The following DNAH7 variants were observed in gnomAD, a reference collection of about 807,000 sequenced individuals.
DNAH7 encodes the protein axonemal beta dynein heavy chain 7.
In DNAH7, 397 loss-of-function variants were observed where a neutral mutation model predicts 444.6. The observed-to-expected ratio is 0.89, with a 90% CI of 0.82 to 0.97. The LOEUF is 0.97. DNAH7 is among the 50% of genes least tolerant of loss of function. The pLI is 0.00. For synonymous variants in DNAH7, 1,636 were observed against 1,624.4 expected (o/e 1.01, Z -0.17); for missense variants, 4,902 against 4,800.8 (o/e 1.02, Z -0.62).
At chr2:195,964,124 T>C (rs1353803555) in intron 17 of DNAH7, among the ~76,000 whole-genome samples, 1 of 152,226 alleles carries the variant, frequency 6.6e-6, no homozygotes, top group Non-Finnish European at 1.5e-5. Flanking sequence ...ATTGTAGAAC[T>C]GTGGGGATGG....
At chr2:195,978,421 CAGG>C (rs1320845925) in intron 15 of DNAH7, among the ~76,000 whole-genome samples, 1 of 151,578 alleles carries the variant, frequency 6.6e-6, no homozygotes, top group Non-Finnish European at 1.5e-5. Flanking sequence ...AAACGAAAAG[CAGG>C]AAGCTAAAAC....
In DNAH7 at chr2:195,831,002, G is replaced by A. The variant is rs146789774; in HGVS notation, c.9100+3204C>T. ...GAAACACTAAATTGGAAGTAGTTTT[G>A]TATCCCTGGTTTGTTACATACAAGG... On this transcript the variant is annotated intron_variant, in intron 48 of 64. Coordinates refer to ENST00000312428, the MANE Select transcript of DNAH7 (RefSeq NM_018897.3). 5.6e-4 allele frequency among the ~76,000 whole-genome samples: 86 copies of A among 152,252 alleles called. No homozygotes were observed. In the East Asian group the frequency reaches 0.015, roughly 27 times the overall value.
chr2:195,963,479 TTGTATGATCTCCTTA>T (rs1426724495), intron 17 of DNAH7, among the ~76,000 whole-genome samples: 1 of 152,090 alleles, frequency 6.6e-6, no homozygotes, highest in Admixed American at 6.5e-5. Context: ...TCCAACAGAG[TTGTATGATCTCCTTA>T]TGTATTCCAG....
chr2:195,813,696 T>C (rs920113623), intron 51 of DNAH7, among the ~76,000 whole-genome samples: 1 of 152,236 alleles, frequency 6.6e-6, no homozygotes, highest in African/African-American at 2.4e-5. Context: ...TTCCTCTCTG[T>C]CTTTGCAATC....
chr2:195,953,049 T>C (rs1372428562), intron 19 of DNAH7, among the ~76,000 whole-genome samples: 2 of 152,188 alleles, frequency 1.3e-5, no homozygotes, highest in African/African-American at 4.8e-5. Flanking sequence ...TTTGCCTGGT[T>C]TTTCCTCATC....
chr2:195,771,691 T>G lies in DNAH7; in HGVS notation c.11402A>C (p.Asp3801Ala). The change falls in exon 61 of 65, where the codon GAT (aspartate) becomes GCT (alanine). Residue 3801 changes from aspartate (D) to alanine (A), a missense_variant. Transcript: ENST00000312428. ...RFNKLLKTIR[D>A]SCVNIQKAIK... ...TGCTTTTTGAATATTTACGCACGAA[T>G]CTCTTATGGTCTTCAGTAACTTATT... 1 of 1,613,854 alleles carries G rather than the reference T, an allele frequency of 6.2e-7. No individual in the cohort carries two copies. The highest frequency in any genetic ancestry group is 8.5e-7 in the Non-Finnish European group (1 of 1,179,724).
At position 195,740,833 on chromosome 2, in the gene DNAH7, GAAGCTCCATCCAGA is replaced by G; in HGVS notation, c.11787_11800del (p.Asp3931GlufsTer2). ...AAGTTTCTTGATCTTTCTATTCCAG[GAAGCTCCATCCAGA>G]AATAATCCGTGAATGAAAACACCTA... On this transcript the variant is annotated frameshift_variant, in exon 64 of 65. Coordinates refer to ENST00000312428, the MANE Select transcript of DNAH7 (RefSeq NM_018897.3). LOFTEE classifies it high-confidence loss of function. 6.4e-7 allele frequency: 1 copy of G among 1,565,296 alleles called. No individual in the cohort carries two copies. The highest frequency in any genetic ancestry group is 8.7e-7 in the Non-Finnish European group (1 of 1,154,410).
Position 195,900,352 on chromosome 2 carries a change from G to A in DNAH7, c.4478C>T (p.Ser1493Leu), listed in dbSNP as rs748728395. The A allele has an allele frequency of 1.2e-6, 2 of 1,613,904 alleles. No individual in the cohort carries two copies. Among genetic ancestry groups the A allele is most frequent in the Admixed American group, 1.7e-5 (1 of 60,000 alleles). The stretch of plus-strand genomic sequence containing the variant: ...TCCATAGTCGTAGTGATGTTGAGAT[G>A]ACAGCTGCTCTGAACACAAGCGATA... ...ATYRLCSEQLSSQHHYDYGMR... is the reference protein window; with the variant it reads ...ATYRLCSEQLLSQHHYDYGMR... The change falls in exon 28 of 65, where the codon TCA becomes TTA. Residue 1493 changes from serine to leucine, a missense_variant. Physicochemically the swap from Ser to Leu is moderately radical, Grantham distance 145. Coordinates refer to ENST00000312428, the MANE Select transcript of DNAH7 (RefSeq NM_018897.3).
At chr2:196,002,170 C>G (rs1694076434) in intron 10 of DNAH7, among the ~76,000 whole-genome samples, 1 of 152,164 alleles carries the variant, frequency 6.6e-6, no homozygotes, top group African/African-American at 2.4e-5. Flanking sequence ...TTACAAAATA[C>G]TCCTCTCCAA....
In DNAH7 at chr2:195,857,613, T is replaced by C; in HGVS notation, c.8178A>G (p.Thr2726=). The part of the protein sequence containing the change: ...GIKADKIPDP[T]GSGKKIEDFW... ...AATCCTCAATTTTTTTCCCTGAACC[T>C]GTTGGGTCAGGGATTTTGTCAGCTT... The change falls in exon 44 of 65, where the codon ACA becomes ACG. Residue 2726 remains threonine (T), a synonymous_variant. Coordinates refer to ENST00000312428, the MANE Select transcript of DNAH7 (RefSeq NM_018897.3). 2 of 1,614,016 alleles carry C rather than the reference T, an allele frequency of 1.2e-6. No homozygotes were observed. Among genetic ancestry groups the C allele is most frequent in the Admixed American group, 3.3e-5 (2 of 59,986 alleles).
At chr2:196,047,772 C>A (rs970485696) in intron 4 of DNAH7, among the ~76,000 whole-genome samples, 9 of 151,208 alleles carry the variant, frequency 6.0e-5, no homozygotes, top group African/African-American at 1.9e-4. Context: ...ACATATGATT[C>A]TCTAAAAGTG....
chr2:196,005,732 C>T (rs992724903), intron 10 of DNAH7, among the ~76,000 whole-genome samples: 7 of 151,918 alleles, frequency 4.6e-5, no homozygotes, highest in Admixed American at 3.3e-4. Context: ...ATTTACAAAC[C>T]TTCCAGGAAA....
intron 19 of DNAH7, among the ~76,000 whole-genome samples, chr2:195,943,156 T>C (rs935416093): frequency 6.6e-6 from 1 of 152,170 alleles, no homozygotes; most frequent in Non-Finnish European, 1.5e-5. Flanking sequence ...TCCCCAGCCA[T>C]GTGGAACTGT....
intron 58 of DNAH7, among the ~76,000 whole-genome samples, chr2:195,783,556 A>G (rs1695485890): frequency 2.6e-5 from 4 of 152,096 alleles, no homozygotes. Context: ...TTTTATAATG[A>G]CACTAGTCAT....
intron 31 of DNAH7, among the ~76,000 whole-genome samples, chr2:195,890,801 T>C (rs1701971475): frequency 6.6e-6 from 1 of 152,210 alleles, no homozygotes; most frequent in South Asian, 2.1e-4. Context: ...TTTTATCCAT[T>C]ATTACCTGAC....
intron 63 of DNAH7, among the ~76,000 whole-genome samples, chr2:195,753,410 G>A (rs918186479): frequency 5.9e-5 from 9 of 152,158 alleles, no homozygotes; most frequent in Non-Finnish European, 1.0e-4. Flanking sequence ...GCACAGTAAT[G>A]CGATTATCAT....
At chr2:195,914,914 G>C (rs111500451) in intron 24 of DNAH7, among the ~76,000 whole-genome samples, 4,191 of 152,136 alleles carry the variant, frequency 0.028, 86 homozygotes, top group Middle Eastern at 0.054. Flanking sequence ...CACCCGCCTT[G>C]GTCTCCCAAA....
Position 195,910,078 on chromosome 2 carries a change from A to T in DNAH7, c.4053T>A (p.Val1351=), listed in dbSNP as rs1369913519. 1 of 1,613,944 alleles carries T rather than the reference A, an allele frequency of 6.2e-7. No homozygotes were observed. The highest frequency in any genetic ancestry group is 8.5e-7 in the Non-Finnish European group (1 of 1,179,886). ...LAKAVAKQCV[V]FNCSDGLDYL... ...AATCCAACCCATCAGAGCAGTTGAA[A>T]ACAACACATTGTTTGGCTACAGCTT... The change falls in exon 25 of 65, where the codon GTT becomes GTA. Residue 1351 remains valine, a synonymous_variant. Coordinates refer to ENST00000312428, the MANE Select transcript of DNAH7 (RefSeq NM_018897.3).
intron 60 of DNAH7, among the ~76,000 whole-genome samples, chr2:195,772,329 A>C (rs148740709): frequency 6.6e-6 from 1 of 152,342 alleles, no homozygotes; most frequent in Non-Finnish European, 1.5e-5. Flanking sequence ...TCTGGTGTCT[A>C]CTGGTTGCCA....
Sources: gnomAD v4.1 joint callset for allele counts (sites outside exome capture counted in the v4.1 genomes callset) on GRCh38, gnomAD v4.1.1 for gene constraint, MANE v1.5 for transcripts, NCBI Gene and HGNC (gene_info 2026-07-23, HGNC 2026-07-21) for gene names.